HMCN1: variants seen among roughly 807,000 people sequenced by gnomAD.
HMCN1 encodes hemicentin 1, also known as hemicentin-1.
In HMCN1, 321 loss-of-function variants were observed where a neutral mutation model predicts 625.9. That is an observed-to-expected ratio of 0.51 (90% CI 0.47 to 0.56). HMCN1 has a LOEUF of 0.56. Ranked by LOEUF, HMCN1 falls within the 20% of genes least tolerant of loss-of-function variation. The pLI, the probability that HMCN1 is intolerant of heterozygous loss-of-function variation, is 0.00. For missense variants in HMCN1, 6,588 were observed against 6,887.3 expected, an observed-to-expected ratio of 0.96 and a Z score of 1.54; for synonymous variants, 2,425 against 2,417.6, an observed-to-expected ratio of 1.00 and a Z score of -0.09.
intron 103 of HMCN1, chr1:186,177,324 A>C (rs1350658662): frequency 6.8e-6 from 1 of 147,808 alleles, no homozygotes; most frequent in African/African-American, 2.5e-5. Flanking sequence ...AAAAAAAGAG[A>C]GAGCAGCCAC....
intron 30 of HMCN1, among the ~76,000 whole-genome samples, chr1:186,007,879 T>G (rs186098917): frequency 3.0e-4 from 45 of 152,292 alleles, no homozygotes; most frequent in Admixed American, 1.2e-3. Context: ...ATGAATATTA[T>G]GTTTCCAGCA....
At chr1:186,043,851 C>A (rs773301584) in intron 40 of HMCN1, among the ~76,000 whole-genome samples, 1 of 152,018 alleles carries the variant, frequency 6.6e-6, no homozygotes, top group Non-Finnish European at 1.5e-5. Context: ...GGGTGGATCG[C>A]CTGAGGTCAG....
intron 11 of HMCN1, among the ~76,000 whole-genome samples, chr1:185,960,580 C>A (rs1649942937): frequency 6.6e-6 from 1 of 152,206 alleles, no homozygotes; most frequent in South Asian, 2.1e-4. Context: ...TAGCTCTCTG[C>A]ATCCTGGTTT....
At chr1:186,022,253 GCTATGTTCC>G (rs1654772233) in intron 35 of HMCN1, among the ~76,000 whole-genome samples, 1 of 152,090 alleles carries the variant, frequency 6.6e-6, no homozygotes, top group Non-Finnish European at 1.5e-5. Flanking sequence ...CTATCAGACA[GCTATGTTCC>G]TTGGGTGTGG....
intron 89 of HMCN1, among the ~76,000 whole-genome samples, chr1:186,143,649 ATGT>A (rs1388235409): frequency 6.6e-6 from 1 of 152,226 alleles, no homozygotes; most frequent in Admixed American, 6.5e-5. Flanking sequence ...GCAAATCATC[ATGT>A]TGTTGAAAGA....
chr1:185,811,900 T>C (rs1444676202), intron 1 of HMCN1, among the ~76,000 whole-genome samples: 1 of 152,218 alleles, frequency 6.6e-6, no homozygotes, highest in Non-Finnish European at 1.5e-5. Flanking sequence ...TTTGAGATTG[T>C]CTCAGTTAAT....
At chr1:185,839,365 G>T (rs775869750) in intron 1 of HMCN1, among the ~76,000 whole-genome samples, 19 of 152,092 alleles carry the variant, frequency 1.2e-4, no homozygotes, top group Admixed American at 2.0e-4. Flanking sequence ...CTTGAAGATG[G>T]TATTTATTTT....
intron 68 of HMCN1, among the ~76,000 whole-genome samples, chr1:186,099,904 A>T (rs1660308026): frequency 6.6e-6 from 1 of 152,144 alleles, no homozygotes; most frequent in Non-Finnish European, 1.5e-5. Context: ...GGACCTCATT[A>T]CCAAGGCAAT....
chr1:186,111,719 A>G (rs901311371), intron 71 of HMCN1, among the ~76,000 whole-genome samples: 4 of 151,822 alleles, frequency 2.6e-5, no homozygotes, highest in Admixed American at 6.5e-5. Context: ...GTTAAAAAAT[A>G]AAATATTTTT....
intron 46 of HMCN1, among the ~76,000 whole-genome samples, chr1:186,059,104 T>C (rs1657524506): frequency 6.6e-6 from 1 of 151,990 alleles, no homozygotes; most frequent in Non-Finnish European, 1.5e-5. Flanking sequence ...ATCCAATACC[T>C]ATTTCTTGTT....
chr1:186,069,309 T>C (rs1658334647), intron 50 of HMCN1, among the ~76,000 whole-genome samples: 3 of 152,158 alleles, frequency 2.0e-5, no homozygotes, highest in Admixed American at 2.0e-4. Context: ...CACAATTAAT[T>C]TCTCCTGTAG....
Position 186,087,286 on chromosome 1 carries a change from A to G in HMCN1, c.9116A>G (p.Asn3039Ser), listed in dbSNP as rs1030947907. 24 of 1,613,236 alleles carry G rather than the reference A, an allele frequency of 1.5e-5. No individual in the cohort carries two copies. Among genetic ancestry groups the G allele is most frequent in the Middle Eastern group, 1.6e-4 (1 of 6,078 alleles). Residue 3039 changes from asparagine (N) to serine (S), a missense_variant, in exon 59 of 107, where the codon AAT becomes AGT. Physicochemically the swap from Asn to Ser is conservative, Grantham distance 46. Transcript: ENST00000271588. ...GGTGAATACACTTGTATAGCTATCAATCAAGCTGGCGAAAGCAAGAAAAAG... is the reference window on the plus strand; with the variant it reads ...GGTGAATACACTTGTATAGCTATCAGTCAAGCTGGCGAAAGCAAGAAAAAG... ...DGGEYTCIAI[N>S]QAGESKKKFS...
intron 15 of HMCN1, among the ~76,000 whole-genome samples, chr1:185,971,929 C>T (rs1207356008): frequency 3.3e-5 from 5 of 152,038 alleles, no homozygotes; most frequent in Non-Finnish European, 7.4e-5. Flanking sequence ...AAGAGAAATG[C>T]CTTGAAAATA....
At chr1:186,170,061 G>A (rs1376900326) in intron 100 of HMCN1, among the ~76,000 whole-genome samples, 1 of 151,372 alleles carries the variant, frequency 6.6e-6, no homozygotes, top group Non-Finnish European at 1.5e-5. Context: ...CAACAAACAT[G>A]AAAAAAAGCT....
intron 2 of HMCN1, among the ~76,000 whole-genome samples, chr1:185,848,472 C>G (rs1571441730): frequency 6.6e-6 from 1 of 152,072 alleles, no homozygotes; most frequent in African/African-American, 2.4e-5. Flanking sequence ...TATTGGTGTT[C>G]CTCAAGGTTT....
chr1:185,956,968 A>C (rs556395577), intron 11 of HMCN1: 1 of 152,390 alleles, frequency 6.6e-6, no homozygotes, highest in Admixed American at 6.5e-5. Flanking sequence ...TGCCTTGCAC[A>C]GAGGGAAAAA....
chr1:185,743,404 C>T (rs1397554661), intron 1 of HMCN1, among the ~76,000 whole-genome samples: 1 of 152,098 alleles, frequency 6.6e-6, no homozygotes, highest in African/African-American at 2.4e-5. Flanking sequence ...TAATTATGAC[C>T]CAGATAATGC....
intron 89 of HMCN1, among the ~76,000 whole-genome samples, chr1:186,141,941 A>T (rs2102547913): frequency 6.6e-6 from 1 of 152,300 alleles, no homozygotes; most frequent in African/African-American, 2.4e-5. Context: ...TAGTGTAACA[A>T]ATTGAGTTAT....
At chr1:186,133,690 G>A (rs551279988) in intron 86 of HMCN1, among the ~76,000 whole-genome samples, 62 of 152,172 alleles carry the variant, frequency 4.1e-4, no homozygotes, top group African/African-American at 1.9e-4. Flanking sequence ...TGTAAGACTC[G>A]AATAGATGGA....
Sources: gnomAD v4.1 joint callset for allele counts (sites outside exome capture counted in the v4.1 genomes callset) on GRCh38, gnomAD v4.1.1 for gene constraint, MANE v1.5 for transcripts, NCBI Gene and HGNC (gene_info 2026-07-23, HGNC 2026-07-21) for gene names.